PSEN1: variants seen among roughly 807,000 people sequenced by gnomAD.
PSEN1 encodes the protein presenilin 1, also known as presenilin-1.
A neutral mutation model predicts 53.5 loss-of-function variants in PSEN1; 15 were observed. That is an observed-to-expected ratio of 0.28 (90% CI 0.19 to 0.43). The LOEUF is 0.43. Ranked by LOEUF, PSEN1 falls within the 20% of genes least tolerant of loss-of-function variation. The probability of loss-of-function intolerance (pLI) is 1.00; values close to 1 mark genes in which losing one functional copy is unlikely to be tolerated. For missense variants in PSEN1, 387 were observed against 571.2 expected (o/e 0.68, Z 3.29); for synonymous variants, 208 against 209.8 (o/e 0.99, Z 0.08).
chr14:73,163,525 A>C (rs1478010155), intron 3 of PSEN1, among the ~76,000 whole-genome samples: 4 of 152,222 alleles, frequency 2.6e-5, no homozygotes. Context: ...GGTCAATAAC[A>C]TGTGCTGTCT....
chr14:73,216,870 A>C (rs1023070675), intron 10 of PSEN1, among the ~76,000 whole-genome samples: 9 of 152,204 alleles, frequency 5.9e-5, no homozygotes, highest in African/African-American at 2.2e-4. Context: ...ATAGATGACG[A>C]TTATTACTTA....
intron 3 of PSEN1, among the ~76,000 whole-genome samples, chr14:73,156,026 T>TGGA (rs1265106841): frequency 6.6e-6 from 1 of 152,122 alleles, no homozygotes; most frequent in East Asian, 1.9e-4. Flanking sequence ...AGTTTTGCTG[T>TGGA]GGATCTAAGT....
intron 9 of PSEN1, among the ~76,000 whole-genome samples, chr14:73,208,595 A>G (rs1899549691): frequency 1.3e-5 from 2 of 152,226 alleles, no homozygotes; most frequent in African/African-American, 4.8e-5. Flanking sequence ...TTCTTTCTGC[A>G]GGCAGGTTGT....
chr14:73,143,137 A>G (rs893584619), intron 1 of PSEN1, among the ~76,000 whole-genome samples: 1 of 152,268 alleles, frequency 6.6e-6, no homozygotes, highest in African/African-American at 2.4e-5. Flanking sequence ...GCAATCCTCA[A>G]TTGTTTTCAG....
At chr14:73,195,303 G>C (rs1318656781) in intron 7 of PSEN1, among the ~76,000 whole-genome samples, 9 of 152,232 alleles carry the variant, frequency 5.9e-5, no homozygotes, top group Admixed American at 3.3e-4. Context: ...CTTCCGAGTA[G>C]CTGGGACTAC....
At chr14:73,204,528 TAA>T (rs34528538) in intron 8 of PSEN1, among the ~76,000 whole-genome samples, 51 of 138,312 alleles carry the variant, frequency 3.7e-4, no homozygotes, top group Admixed American at 5.1e-4. Context: ...TTTTTACATT[TAA>T]AAAAAAAAAA....
At chr14:73,184,093 G>A (rs184195) in intron 5 of PSEN1, among the ~76,000 whole-genome samples, 6 of 124,588 alleles carry the variant, frequency 4.8e-5, no homozygotes, top group Middle Eastern at 4.2e-3. Context: ...GCGGCTGGCC[G>A]GGCGGGGGGC....
At position 73,192,801 on chromosome 14, in the gene PSEN1, G is replaced by T; in HGVS notation, c.706G>T (p.Val236Leu). The change falls in exon 7 of 12, where the codon GTG becomes TTG. Residue 236 changes from valine to leucine, a missense_variant. By Grantham distance (32) the Val-to-Leu change is conservative (BLOSUM62 1). Transcript: ENST00000324501. ...TATGATTAGTGCCCTCATGGCCCTGGTGTTTATCAAGTACCTCCCTGAATG... is the reference window on the plus strand; with the variant it reads ...TATGATTAGTGCCCTCATGGCCCTGTTGTTTATCAAGTACCTCCCTGAATG... ...LIMISALMAL[V>L]FIKYLPEWTA... 6.2e-7 allele frequency: 1 copy of T among 1,613,992 alleles called. No homozygotes were observed. Among genetic ancestry groups the T allele is most frequent in the Non-Finnish European group, 8.5e-7 (1 of 1,179,958 alleles).
intron 3 of PSEN1, among the ~76,000 whole-genome samples, chr14:73,155,101 G>T (rs943238017): frequency 6.6e-6 from 1 of 152,172 alleles, no homozygotes; most frequent in Non-Finnish European, 1.5e-5. Context: ...GAAGTGCCAA[G>T]AATTTTTATT....
intron 5 of PSEN1, 165 bp downstream of exon 5, chr14:73,173,872 CA>C: frequency 1.1e-6 from 1 of 877,898 alleles, no homozygotes; most frequent in South Asian, 1.4e-5. Context: ...TCAAAAAATA[CA>C]AAAAGGAAGC....
At chr14:73,210,865 A>AAC (rs1248855575) in intron 9 of PSEN1, among the ~76,000 whole-genome samples, 2 of 152,182 alleles carry the variant, frequency 1.3e-5, no homozygotes, top group Non-Finnish European at 2.9e-5. Flanking sequence ...AAGTACTTTG[A>AAC]ACTTCACTTA....
Position 73,219,645 on chromosome 14 carries a change from G to A in PSEN1, c.*356G>A, listed in dbSNP as rs1594760655. The stretch of plus-strand genomic sequence containing the variant: ...TTTCACTGACACTGCGAACTCTCAG[G>A]ACTACCGTTACCAAGAGGTTAGGTG... On this transcript the variant is annotated 3_prime_UTR_variant, in exon 12 of 12. Transcript: ENST00000324501. The A allele has an allele frequency of 3.0e-6, 1 of 335,996 alleles. No individual in the cohort carries two copies. Among genetic ancestry groups the A allele is most frequent in the East Asian group, 7.4e-5 (1 of 13,538 alleles). 20.8% of individuals were successfully genotyped at this position (335,996 alleles called of 1,614,324 possible).
intron 3 of PSEN1, among the ~76,000 whole-genome samples, chr14:73,151,017 G>A (rs192084864): frequency 6.8e-4 from 99 of 146,414 alleles, no homozygotes; most frequent in African/African-American, 2.4e-3. Flanking sequence ...GCAGTGAGCC[G>A]AGATTGCACC....
intron 11 of PSEN1, among the ~76,000 whole-genome samples, chr14:73,218,778 C>T (rs1900031800): frequency 6.6e-6 from 1 of 151,628 alleles, no homozygotes; most frequent in African/African-American, 2.4e-5. Context: ...CTCTTCACCT[C>T]TGGGTTTTTA....
Position 73,223,055 on chromosome 14 carries a change from G to C in PSEN1, c.*3766G>C, listed in dbSNP as rs567134128. The C allele has an allele frequency of 6.6e-6, 1 of 152,342 alleles. No homozygotes were observed. The highest frequency in any genetic ancestry group is 1.9e-4 in the East Asian group (1 of 5,194). 9.4% of individuals were successfully genotyped at this position (152,342 alleles called of 1,614,324 possible). A position where few individuals can be genotyped will look rare whatever the true frequency, so the allele number is the denominator to read the frequency against. On this transcript the variant is annotated 3_prime_UTR_variant, in exon 12 of 12. Coordinates refer to ENST00000324501, the MANE Select transcript of PSEN1 (RefSeq NM_000021.4). ...CCCACAACACAAGAGATTAAAAACA[G>C]AGGTTTCAGCTCTTCATAGTGCGTT... is the stretch of plus-strand genomic sequence containing the variant.
chr14:73,215,326 G>T lies in PSEN1; in HGVS notation c.1130-1800G>T, dbSNP rs184146670. ...AGGCCAGGTGTGGTGGCTCACACCT[G>T]TAATCCCAGCACTTTGGGAGACCAA... On this transcript the variant is annotated intron_variant, in intron 10 of 11. Coordinates refer to ENST00000324501, the MANE Select transcript of PSEN1 (RefSeq NM_000021.4). Among the ~76,000 whole-genome samples the T allele has an allele frequency of 7.4e-5, 11 of 149,148 alleles. No individual in the cohort carries two copies. The East Asian group carries it at 2.4e-3, about 32-fold the overall frequency.
chr14:73,181,007 T>G (rs1422882628), intron 5 of PSEN1, among the ~76,000 whole-genome samples: 2 of 152,140 alleles, frequency 1.3e-5, no homozygotes, highest in Admixed American at 1.3e-4. Context: ...TGCAGAAAAA[T>G]ATTTGTGAAG....
intron 3 of PSEN1, among the ~76,000 whole-genome samples, chr14:73,170,475 G>C (rs551583095): frequency 6.6e-6 from 1 of 152,320 alleles, no homozygotes; most frequent in African/African-American, 2.4e-5. Context: ...AAGGTGCTTG[G>C]AGCTGCAGCC....
intron 4 of PSEN1, among the ~76,000 whole-genome samples, chr14:73,171,637 A>C (rs1897893620): frequency 6.6e-6 from 1 of 152,196 alleles, no homozygotes; most frequent in African/African-American, 2.4e-5. Flanking sequence ...GTTAGACTGC[A>C]CAGGCTAAAC....
Sources: allele counts gnomAD v4.1 joint callset (sites outside exome capture counted in the v4.1 genomes callset), GRCh38; gene constraint gnomAD v4.1.1; transcripts MANE v1.5; gene names NCBI Gene and HGNC (gene_info 2026-07-23, HGNC 2026-07-21).